The following FCRL5 variants were observed in gnomAD, a reference collection of about 807,000 sequenced individuals.
The protein encoded by FCRL5 is Fc receptor like 5, also known as Fc receptor-like protein 5.
FCRL5 carries 79 observed loss-of-function variants against 92.1 expected under a neutral mutation model. The observed-to-expected ratio is 0.86, with a 90% CI of 0.72 to 1.03. The LOEUF (loss-of-function observed/expected upper bound fraction) is 1.03. FCRL5 is among the 50% of genes least tolerant of loss of function. The probability of loss-of-function intolerance (pLI) is 0.00; values close to 1 mark genes in which losing one functional copy is unlikely to be tolerated. For synonymous variants in FCRL5, 466 were observed against 469.3 expected, an observed-to-expected ratio of 0.99 and a Z score of 0.09; for missense variants, 1,160 against 1,181.1, an observed-to-expected ratio of 0.98 and a Z score of 0.26.
chr1:157,544,711 C>G (rs528729057), intron 4 of FCRL5, 120 bp downstream of exon 4: 9 of 1,453,476 alleles, frequency 6.2e-6, no homozygotes, highest in African/African-American at 1.4e-5. Flanking sequence ...CTGCTCCTTG[C>G]AGGAATGTGT....
intron 15 of FCRL5, among the ~76,000 whole-genome samples, chr1:157,518,147 T>C (rs1370142854): frequency 6.6e-6 from 1 of 152,142 alleles, no homozygotes; most frequent in East Asian, 1.9e-4. Context: ...AGTCACAGTT[T>C]ATGGATAGGG....
At chr1:157,524,075 G>T in intron 10 of FCRL5, 1 of 546,032 alleles carries the variant, frequency 1.8e-6, no homozygotes, top group South Asian at 3.3e-5. Flanking sequence ...TCATCTTCAA[G>T]AAGACTGCTG....
In FCRL5 at chr1:157,539,185, T is replaced by G. The variant is rs1242212638; in HGVS notation, c.1303A>C (p.Ser435Arg). 16 of 1,614,204 alleles carry G rather than the reference T, an allele frequency of 9.9e-6. No individual in the cohort carries two copies. Among genetic ancestry groups the G allele is most frequent in the Non-Finnish European group, 1.4e-5 (16 of 1,180,026 alleles). Residue 435 changes from serine (S) to arginine (R), a missense_variant, in exon 7 of 17, where the codon AGC becomes CGC. By Grantham distance (110) the Ser-to-Arg change is moderately radical (BLOSUM62 -1). Transcript: ENST00000361835. The part of the protein sequence containing the change: ...SANSAGGVAI[S>R]FSLTAEHSGN... ...GAATGCTCTGCAGTCAGAGAGAAGC[T>G]GATGGCCACTCCTCCTGCAGAGTTG...
At chr1:157,527,493 G>T in intron 9 of FCRL5, 124 bp downstream of exon 9, 2 of 935,994 alleles carry the variant, frequency 2.1e-6, no homozygotes, top group Non-Finnish European at 3.1e-6. Flanking sequence ...GGCTGTGTAG[G>T]CACCAAGCCT....
intron 3 of FCRL5, chr1:157,546,360 A>C (rs934157600): frequency 2.4e-5 from 9 of 373,826 alleles, no homozygotes; most frequent in African/African-American, 1.9e-4. Context: ...AGGTGGGAGA[A>C]TTGCTTGAAC....
In FCRL5 at chr1:157,515,305, C is replaced by T. The variant is rs139442715; in HGVS notation, c.*370G>A. On this transcript the variant is annotated 3_prime_UTR_variant, in exon 17 of 17. Transcript: ENST00000361835. ...GAGCACCTGAGCTGTTAGGCCAGCC[C>T]GGCATCTCCTGAAGGCCCACTCTCC... 126 of 314,940 alleles carry T rather than the reference C, an allele frequency of 4.0e-4. No individual in the cohort carries two copies. The highest frequency in any genetic ancestry group is 1.1e-3 in the African/African-American group (50 of 47,292). 19.5% of individuals were successfully genotyped at this position (314,940 alleles called of 1,614,324 possible).
chr1:157,549,465 G>T, intron 2 of FCRL5, 95 bp downstream of exon 2: 1 of 1,113,912 alleles, frequency 9.0e-7, no homozygotes, highest in Non-Finnish European at 1.3e-6. Flanking sequence ...AGGAGATATT[G>T]GAGATCTCAG....
intron 8 of FCRL5, among the ~76,000 whole-genome samples, chr1:157,531,407 T>C (rs1174770396): frequency 1.3e-5 from 2 of 152,186 alleles, no homozygotes; most frequent in Non-Finnish European, 1.5e-5. Context: ...AGAAACAGCA[T>C]GGAAGTTTCT....
rs544969193 is a variant in FCRL5 at position 157,542,418 on chromosome 1, C to T, written c.1123+441G>A. The T allele has an allele frequency of 7.0e-5, 11 of 157,414 alleles. No homozygotes were observed. The South Asian group carries it at 1.4e-3, about 20-fold the overall frequency. 9.8% of individuals were successfully genotyped at this position (157,414 alleles called of 1,614,324 possible). A position where few individuals can be genotyped will look rare whatever the true frequency, so the allele number is the denominator to read the frequency against. On this transcript the variant is annotated intron_variant, in intron 6 of 16. Coordinates refer to ENST00000361835, the MANE Select transcript of FCRL5 (RefSeq NM_031281.3). The stretch of plus-strand genomic sequence containing the variant: ...ACATGCTGGGTTAACTATGATCCAG[C>T]GACTTGTCTTTGTGTCTTACATGTC...
chr1:157,520,912 T>C, intron 11 of FCRL5, 105 bp downstream of exon 11: 1 of 1,309,952 alleles, frequency 7.6e-7, no homozygotes, highest in Admixed American at 2.4e-5. Context: ...GCTGTGTTAC[T>C]TCGCCCTGAG....
intron 4 of FCRL5, 52 bp from the exon 5 acceptor site, chr1:157,544,598 G>T: frequency 6.3e-7 from 1 of 1,581,166 alleles, no homozygotes; most frequent in South Asian, 1.1e-5. Flanking sequence ...GAACTGCTTT[G>T]GAGAAAAGCA....
rs199669215 is a variant in FCRL5, at chr1:157,542,814, G to T, written c.1123+45C>A. 6.8e-4 allele frequency: 1,078 copies of T among 1,585,096 alleles called. 1 individual carries two copies. The highest frequency in any genetic ancestry group is 1.5e-3 in the Admixed American group (85 of 58,218). ...ACTTCCGAAGGGCAGGGTGAGGCAG[G>T]ACTCTTGGCCAGGGGTGGGTGATTG... On this transcript the variant is annotated intron_variant, in intron 6 of 16. Transcript: ENST00000361835.
intron 1 of FCRL5, among the ~76,000 whole-genome samples, chr1:157,551,510 A>G (rs1651810281): frequency 6.6e-6 from 1 of 152,198 alleles, no homozygotes; most frequent in African/African-American, 2.4e-5. Flanking sequence ...TGCCTGGACA[A>G]TTATTTAACT....
intron 9 of FCRL5, among the ~76,000 whole-genome samples, chr1:157,526,627 G>A (rs1330537474): frequency 6.6e-6 from 1 of 152,164 alleles, no homozygotes; most frequent in African/African-American, 2.4e-5. Flanking sequence ...TCACCTATGG[G>A]GAGGGAAGTC....
Position 157,527,794 on chromosome 1 carries a change from G to C in FCRL5, c.1783C>G (p.Pro595Ala), listed in dbSNP as rs778011950. ...LHCEAPRGSP[P>A]ILYWFYHEDV... Reference sequence around the variant, plus strand: ...TCATGATAAAACCAGTACAGGATTGGGGGAGAGCCTCTCGGGGCCTCACAG... The same window carrying C: ...TCATGATAAAACCAGTACAGGATTGCGGGAGAGCCTCTCGGGGCCTCACAG... Residue 595 changes from proline (P) to alanine (A), a missense_variant, in exon 9 of 17, where the codon CCA becomes GCA. Coordinates refer to ENST00000361835, the MANE Select transcript of FCRL5 (RefSeq NM_031281.3). 1.2e-6 allele frequency: 2 copies of C among 1,613,910 alleles called. No individual in the cohort carries two copies. Among genetic ancestry groups the C allele is most frequent in the Non-Finnish European group, 8.5e-7 (1 of 1,179,936 alleles).
In FCRL5 at chr1:157,534,626, G is replaced by T. The variant is rs1187617674; in HGVS notation, c.1669C>A (p.Leu557Ile). The T allele has an allele frequency of 1.2e-6, 2 of 1,614,064 alleles. No homozygotes were observed. The highest frequency in any genetic ancestry group is 1.3e-5 in the African/African-American group (1 of 74,924). Residue 557 changes from leucine to isoleucine, a missense_variant, in exon 8 of 17, where the codon CTT becomes ATT. By Grantham distance (5) the Leu-to-Ile change is conservative. Coordinates refer to ENST00000361835, the MANE Select transcript of FCRL5 (RefSeq NM_031281.3). ...ACCCAGCACTTACCAGTGACAAAAA[G>T]GCTCACCACTTCACTGCGCTGGGGA... Reference protein sequence around the residue: ...FGPQRSEVVSLFVTVPVSRPI... With the variant: ...FGPQRSEVVSIFVTVPVSRPI...
chr1:157,538,340 C>A (rs1473680370), intron 7 of FCRL5, among the ~76,000 whole-genome samples: 4 of 152,210 alleles, frequency 2.6e-5, no homozygotes, highest in Non-Finnish European at 1.5e-5. Context: ...CAAGACTGGA[C>A]TCTCTGTCTC....
chr1:157,521,435 A>C (rs913761479), intron 10 of FCRL5, 143 bp from the exon 11 acceptor site: 1 of 1,001,266 alleles, frequency 1.0e-6, no homozygotes, highest in African/African-American at 1.6e-5. Flanking sequence ...AATTACTTTG[A>C]CCTGCTAATA....
At position 157,524,573 on chromosome 1, in the gene FCRL5, C is replaced by T. The variant is rs369462199; in HGVS notation, c.1961-16G>A. The T allele has an allele frequency of 5.9e-5, 92 of 1,561,968 alleles. No homozygotes were observed. Among genetic ancestry groups the T allele is most frequent in the Middle Eastern group, 1.7e-4 (1 of 5,804 alleles). The stretch of plus-strand genomic sequence containing the variant: ...GATACTGGAACTGAGGGAGGAAAAA[C>T]GTTATGTATCAGCTGCTTCTGCTAA... On this transcript the variant is annotated splice_polypyrimidine_tract_variant and intron_variant, in intron 9 of 16. Transcript: ENST00000361835.
Sources: allele counts gnomAD v4.1 joint callset (sites outside exome capture counted in the v4.1 genomes callset), GRCh38; gene constraint gnomAD v4.1.1; transcripts MANE v1.5; gene names NCBI Gene and HGNC (gene_info 2026-07-23, HGNC 2026-07-21).